Variants in HNRNPA1 observed in about 807,000 individuals in gnomAD.
The protein encoded by HNRNPA1 is epididymis secretory sperm binding protein.
In HNRNPA1, 7 loss-of-function variants were observed where a neutral mutation model predicts 44.4. That is an observed-to-expected ratio of 0.16 (90% CI 0.09 to 0.30). The LOEUF is 0.30. Among genes scored for constraint, HNRNPA1 ranks in the 10% least tolerant of loss-of-function variants. HNRNPA1 has a pLI of 1.00. For synonymous variants in HNRNPA1, 169 were observed against 160.6 expected, an observed-to-expected ratio of 1.05 and a Z score of -0.40; for missense variants, 193 against 465.8, an observed-to-expected ratio of 0.41 and a Z score of 5.39.
rs1196656914 is a variant in HNRNPA1, at chr12:54,284,822, G to A, written c.*278G>A. 1 of 343,266 alleles carries A rather than the reference G, an allele frequency of 2.9e-6. No homozygotes were observed. Among genetic ancestry groups the A allele is most frequent in the Non-Finnish European group, 5.7e-6 (1 of 175,108 alleles). 21.3% of individuals were successfully genotyped at this position (343,266 alleles called of 1,614,324 possible). On this transcript the variant is annotated 3_prime_UTR_variant, in exon 11 of 11. Transcript: ENST00000340913. ...GTAGATTTTTTTTTTTGCACCCCAT[G>A]CTGTTGATTGCTAAATGTAACAGTC...
At chr12:54,282,975 T>C (rs1046952087) in intron 7 of HNRNPA1, 101 bp downstream of exon 7, 111 of 1,488,456 alleles carry the variant, frequency 7.5e-5, no homozygotes, top group Admixed American at 1.0e-4. Flanking sequence ...AACTCAACTT[T>C]GCCCATAACA....
chr12:54,285,338 A>G lies in HNRNPA1; in HGVS notation c.*794A>G, dbSNP rs1944247531. On this transcript the variant is annotated 3_prime_UTR_variant, in exon 11 of 11. Coordinates refer to ENST00000340913, the MANE Select transcript of HNRNPA1 (RefSeq NM_031157.4). Reference sequence around the variant, plus strand: ...TAATAATGTTGAATGCTTCTATCACAATTCAAGTTCAAAGCTCTGCCAGGG... The same window carrying G: ...TAATAATGTTGAATGCTTCTATCACGATTCAAGTTCAAAGCTCTGCCAGGG... The G allele has an allele frequency of 6.6e-6, 1 of 152,272 alleles. No homozygotes were observed. The highest frequency in any genetic ancestry group is 2.4e-5 in the African/African-American group (1 of 41,468). 9.4% of individuals were successfully genotyped at this position (152,272 alleles called of 1,614,324 possible).
rs1032546016 is a variant in HNRNPA1 at position 54,285,403 on chromosome 12, C to A, written c.*859C>A. 6.6e-6 allele frequency: 1 copy of A among 152,120 alleles called. No individual in the cohort carries two copies. The highest frequency in any genetic ancestry group is 2.4e-5 in the African/African-American group (1 of 41,430). 9.4% of individuals were successfully genotyped at this position (152,120 alleles called of 1,614,324 possible). A position where few individuals can be genotyped will look rare whatever the true frequency, so the allele number is the denominator to read the frequency against. On this transcript the variant is annotated 3_prime_UTR_variant, in exon 11 of 11. Transcript: ENST00000340913. ...GCTGGCTAATGCCGCTCCATAAATC[C>A]GCAGATTTGAAGTGTCTGGGAGGCC...
At chr12:54,280,877 G>A (rs1326775596) in intron 1 of HNRNPA1, 55 bp downstream of exon 1, 23 of 1,591,768 alleles carry the variant, frequency 1.4e-5, no homozygotes, top group Non-Finnish European at 1.9e-5. Context: ...TCCTGAATCG[G>A]TAAGATGCTG....
Position 54,283,216 on chromosome 12 carries a change from G to A in HNRNPA1, c.889G>A (p.Gly297Ser), listed in dbSNP as rs372023836. The change falls in exon 8 of 11, where the codon GGC (glycine) becomes AGC (serine). Residue 297 changes from glycine (G) to serine (S), a missense_variant. Physicochemically the swap from Gly to Ser is moderately conservative, Grantham distance 56 (BLOSUM62 0). Transcript: ENST00000340913. ...YDSYNNGGGG[G>S]FGGGSGSNFG... ...CAGCTATAACAACGGAGGCGGAGGC[G>A]GCTTTGGCGGTGGTAGTGGTAGGTA... is the stretch of plus-strand genomic sequence containing the variant. 45 of 1,611,228 alleles carry A rather than the reference G, an allele frequency of 2.8e-5. No individual in the cohort carries two copies. The African/African-American group carries it at 3.9e-4, about 14-fold the overall frequency.
At chr12:54,282,952 C>G in intron 7 of HNRNPA1, 78 bp downstream of exon 7, 2 of 1,481,720 alleles carry the variant, frequency 1.3e-6, no homozygotes, top group Non-Finnish European at 9.1e-7. Flanking sequence ...GACTAAAATT[C>G]TGGTGCATGT....
In HNRNPA1 at chr12:54,286,647, T is replaced by C. The variant is rs1367078377; in HGVS notation, c.*2103T>C. On this transcript the variant is annotated 3_prime_UTR_variant, in exon 11 of 11. Transcript: ENST00000340913. Reference sequence around the variant, plus strand: ...TGGTCTTAGAGCTAGTTCTAAAGGTTGTTTACTTTTCTAGGGAGGAGTCTG... The same window carrying C: ...TGGTCTTAGAGCTAGTTCTAAAGGTCGTTTACTTTTCTAGGGAGGAGTCTG... 1.3e-5 allele frequency: 2 copies of C among 152,162 alleles called. No individual in the cohort carries two copies. Among genetic ancestry groups the C allele is most frequent in the African/African-American group, 2.4e-5 (1 of 41,442 alleles). The allele number at this position is 152,162 out of a possible 1,614,324, so 9.4% of individuals were successfully genotyped here. A position where few individuals can be genotyped will look rare whatever the true frequency, so the allele number is the denominator to read the frequency against.
intron 10 of HNRNPA1, 32 bp downstream of exon 10, chr12:54,284,349 A>AT (rs781170901): frequency 4.9e-5 from 78 of 1,583,152 alleles, no homozygotes; most frequent in Non-Finnish European, 6.6e-5. Flanking sequence ...TGTTGACATA[A>AT]TTTTTTAAAT....
Position 54,284,725 on chromosome 12 carries a change from C to CT in HNRNPA1, c.*182dup, listed in dbSNP as rs1172532198. 2.3e-6 allele frequency: 1 copy of CT among 438,984 alleles called. No individual in the cohort carries two copies. Among genetic ancestry groups the CT allele is most frequent in the African/African-American group, 2.0e-5 (1 of 49,460 alleles). 27.2% of individuals were successfully genotyped at this position (438,984 alleles called of 1,614,324 possible). On this transcript the variant is annotated 3_prime_UTR_variant, in exon 11 of 11. Coordinates refer to ENST00000340913, the MANE Select transcript of HNRNPA1 (RefSeq NM_031157.4). ...AAAAACTCGAGGACTGTATTTGTGA[C>CT]TAATTGTATAACAGGTTATTTTAGT...
At chr12:54,280,924 TC>T (rs1688546436) in intron 1 of HNRNPA1, 102 bp downstream of exon 1, 17 of 1,325,202 alleles carry the variant, frequency 1.3e-5, no homozygotes, top group South Asian at 2.3e-5. Flanking sequence ...ATTCTACAGT[TC>T]CTTCGGTCGC....
At position 54,280,769 on chromosome 12, in the gene HNRNPA1, C is replaced by G. The variant is rs749325060; in HGVS notation, c.-39C>G. The G allele has an allele frequency of 6.2e-6, 10 of 1,613,766 alleles. No individual in the cohort carries two copies. The highest frequency in any genetic ancestry group is 1.7e-5 in the Admixed American group (1 of 60,002). On this transcript the variant is annotated 5_prime_UTR_variant, in exon 1 of 11. Coordinates refer to ENST00000340913, the MANE Select transcript of HNRNPA1 (RefSeq NM_031157.4). ...GCTCCTTTCTGCCCGTGGACGCCGC[C>G]GAAGAAGCATCGTTAAAGTCTCTCT...
Position 54,282,683 on chromosome 12 carries a change from A to G in HNRNPA1, c.676+18A>G. On this transcript the variant is annotated intron_variant, in intron 6 of 10. Coordinates refer to ENST00000340913, the MANE Select transcript of HNRNPA1 (RefSeq NM_031157.4). ...TGGTCGTGGTATGTATGGTTTATCT[A>G]CATGTAGTTCTGACTTCTCACCATC... is the stretch of plus-strand genomic sequence containing the variant. The G allele has an allele frequency of 6.2e-7, 1 of 1,606,790 alleles. No homozygotes were observed. Among genetic ancestry groups the G allele is most frequent in the Non-Finnish European group, 8.5e-7 (1 of 1,173,426 alleles).
chr12:54,283,885 C>T lies in HNRNPA1; in HGVS notation c.981C>T (p.Pro327=). The T allele has an allele frequency of 1.2e-6, 2 of 1,612,880 alleles. No individual in the cohort carries two copies. Among genetic ancestry groups the T allele is most frequent in the East Asian group, 2.2e-5 (1 of 44,888 alleles). Reference sequence around the variant, plus strand: ...ACAATCAGTCTTCAAATTTTGGACCCATGAAGGGAGGAAATTTTGGAGGCA... The same window carrying T: ...ACAATCAGTCTTCAAATTTTGGACCTATGAAGGGAGGAAATTTTGGAGGCA... ...NYNNQSSNFG[P]MKGGNFGGRS... Residue 327 remains proline, a synonymous_variant, in exon 9 of 11, where the codon CCC becomes CCT. Transcript: ENST00000340913.
rs551246954 is a variant in HNRNPA1, at chr12:54,280,735, C to T, written c.-73C>T. On this transcript the variant is annotated 5_prime_UTR_variant, in exon 1 of 11. Coordinates refer to ENST00000340913, the MANE Select transcript of HNRNPA1 (RefSeq NM_031157.4). ...GCGAAGGTAGGCTGGCAGATACGTT[C>T]GTCAGCTTGCTCCTTTCTGCCCGTG... is the stretch of plus-strand genomic sequence containing the variant. 8.3e-6 allele frequency: 13 copies of T among 1,565,074 alleles called. No homozygotes were observed. In the African/African-American group the frequency reaches 1.1e-4, roughly 13 times the overall value.
At chr12:54,283,275 A>G (rs762566836) in intron 8 of HNRNPA1, 41 bp downstream of exon 8, 8 of 1,600,292 alleles carry the variant, frequency 5.0e-6, no homozygotes, top group Non-Finnish European at 6.8e-6. Flanking sequence ...TGACAGCTAG[A>G]TTAGCCTTTT....
rs397518454 is a variant in HNRNPA1, at chr12:54,283,860, A to G, written c.956A>G (p.Asn319Ser). 26 of 1,613,820 alleles carry G rather than the reference A, an allele frequency of 1.6e-5. No individual in the cohort carries two copies. The Admixed American group carries it at 2.3e-4, about 14-fold the overall frequency. ...GGSYNDFGNY[N>S]NQSSNFGPMK... Reference sequence around the variant, plus strand: ...AGCTACAATGATTTTGGGAATTACAACAATCAGTCTTCAAATTTTGGACCC... The same window carrying G: ...AGCTACAATGATTTTGGGAATTACAGCAATCAGTCTTCAAATTTTGGACCC... The change falls in exon 9 of 11, where the codon AAC becomes AGC. Residue 319 changes from asparagine (N) to serine (S), a missense_variant. Asn to Ser is a conservative substitution (Grantham distance 46). Around this residue, in one of 2 missense-constraint regions of HNRNPA1, gnomAD observed 136 missense variants for 234.4 expected, o/e 0.58. Coordinates refer to ENST00000340913, the MANE Select transcript of HNRNPA1 (RefSeq NM_031157.4).
intron 3 of HNRNPA1, 39 bp downstream of exon 3, chr12:54,281,980 T>G (rs1312783013): frequency 6.2e-7 from 1 of 1,610,346 alleles, no homozygotes. Flanking sequence ...TAAACTTACT[T>G]GGATATGTGC....
intron 3 of HNRNPA1, 57 bp from the exon 4 acceptor site, chr12:54,282,033 A>T: frequency 6.3e-7 from 1 of 1,598,800 alleles, no homozygotes; most frequent in Non-Finnish European, 8.5e-7. Context: ...ACTTACCAAA[A>T]TTTTTTATTC....
chr12:54,283,167 C>G lies in HNRNPA1; in HGVS notation c.840C>G (p.Gly280=). ...AGGGTTATGGAAACCAGGGCAGTGGCTATGGCGGGAGTGGCAGCTATGACA... is the reference window on the plus strand; with the variant it reads ...AGGGTTATGGAAACCAGGGCAGTGGGTATGGCGGGAGTGGCAGCTATGACA... ...GGQGYGNQGS[G]YGGSGSYDSY... is the part of the protein sequence containing the mutation. Residue 280 remains glycine, a synonymous_variant, in exon 8 of 11, where the codon GGC becomes GGG. Transcript: ENST00000340913. 6.2e-7 allele frequency: 1 copy of G among 1,611,468 alleles called. No individual in the cohort carries two copies. The highest frequency in any genetic ancestry group is 8.5e-7 in the Non-Finnish European group (1 of 1,178,768).
Sources: gnomAD v4.1 joint callset for allele counts on GRCh38, gnomAD v4.1.1 for gene constraint, gnomAD v4.1.1 regional missense constraint, MANE v1.5 for transcripts, NCBI Gene and HGNC (gene_info 2026-07-23, HGNC 2026-07-21) for gene names.